The following PLA2G4C variants were observed in gnomAD, a reference collection of about 807,000 sequenced individuals.
The protein encoded by PLA2G4C is cytosolic phospholipase A2 gamma.
PLA2G4C carries 64 observed loss-of-function variants against 73.8 expected under a neutral mutation model. The observed-to-expected ratio is 0.87, with a 90% CI of 0.71 to 1.07. The LOEUF (loss-of-function observed/expected upper bound fraction) is 1.07. PLA2G4C is among the 50% of genes least tolerant of loss of function. The pLI, the probability that PLA2G4C is intolerant of heterozygous loss-of-function variation, is 0.00. For synonymous variants in PLA2G4C, 254 were observed against 252.1 expected (o/e 1.01, Z -0.07); for missense variants, 622 against 665.4 (o/e 0.93, Z 0.72).
In PLA2G4C at chr19:48,053,000, G is replaced by T. The variant is rs780130778; in HGVS notation, c.1577C>A (p.Ala526Asp). Residue 526 changes from alanine (A) to aspartate (D), a missense_variant, in exon 16 of 17, where the codon GCC (alanine) becomes GAC (aspartate). Coordinates refer to ENST00000599921, the MANE Select transcript of PLA2G4C (RefSeq NM_003706.3). ...KKILRELMNV[A>D]GLYYPKDSAR... ...GCGACTATGGTCTCCCACCTACCCG[G>T]CCACGTTCATCAACTCTCTAAGGAT... 1.9e-6 allele frequency: 3 copies of T among 1,606,816 alleles called. No homozygotes were observed. The highest frequency in any genetic ancestry group is 2.2e-5 in the East Asian group (1 of 44,658).
intron 2 of PLA2G4C, 98 bp downstream of exon 2, chr19:48,106,422 CGA>C: frequency 1.1e-6 from 1 of 936,136 alleles, no homozygotes; most frequent in Non-Finnish European, 1.7e-6. Context: ...CTCCACCAAG[CGA>C]GAGGAACTGT....
chr19:48,075,975 T>C (rs1014676019), intron 11 of PLA2G4C, among the ~76,000 whole-genome samples: 4 of 152,222 alleles, frequency 2.6e-5, no homozygotes, highest in African/African-American at 7.2e-5. Context: ...AAGCCCGCCA[T>C]GTGGCAAGAA....
intron 10 of PLA2G4C, among the ~76,000 whole-genome samples, chr19:48,079,766 T>A (rs1330745770): frequency 5.9e-5 from 9 of 152,086 alleles, no homozygotes; most frequent in Admixed American, 1.3e-4. Flanking sequence ...GGTCAGGAGT[T>A]CCAGACCAAC....
intron 3 of PLA2G4C, 22 bp downstream of exon 3, chr19:48,105,311 C>A: frequency 6.5e-7 from 1 of 1,543,032 alleles, no homozygotes; most frequent in Non-Finnish European, 8.9e-7. Flanking sequence ...ATCTCTGGGG[C>A]CACCCTCCTC....
At chr19:48,082,204 C>A (rs1045538604) in intron 10 of PLA2G4C, among the ~76,000 whole-genome samples, 2 of 150,288 alleles carry the variant, frequency 1.3e-5, no homozygotes, top group African/African-American at 4.9e-5. Context: ...ACTTGTACCC[C>A]AAAAGCTATT....
intron 7 of PLA2G4C, among the ~76,000 whole-genome samples, chr19:48,092,024 T>C (rs546996981): frequency 6.6e-6 from 1 of 151,590 alleles, no homozygotes; most frequent in East Asian, 1.9e-4. Flanking sequence ...TATAAAATGG[T>C]ACAGCCACTG....
chr19:48,068,289 G>A (rs1968521376), intron 12 of PLA2G4C, among the ~76,000 whole-genome samples: 1 of 137,738 alleles, frequency 7.3e-6, no homozygotes, highest in South Asian at 2.4e-4. Flanking sequence ...TGATGACGGA[G>A]CGAGACTCCA....
chr19:48,088,858 G>A lies in PLA2G4C; in HGVS notation c.764-146C>T, dbSNP rs927674353. On this transcript the variant is annotated intron_variant, in intron 8 of 16. Transcript: ENST00000599921. The stretch of plus-strand genomic sequence containing the variant: ...CAATGGCAGCCAATGGCTCTCGAGA[G>A]CCAATTTTGCACCTCTCTTCCAACT... 8 of 678,772 alleles carry A rather than the reference G, an allele frequency of 1.2e-5. No homozygotes were observed. In the African/African-American group the frequency reaches 1.3e-4, roughly 11 times the overall value. The allele number at this position is 678,772 out of a possible 1,614,324, so 42.0% of individuals were successfully genotyped here. A position where few individuals can be genotyped will look rare whatever the true frequency, so the allele number is the denominator to read the frequency against.
chr19:48,097,901 G>C, intron 6 of PLA2G4C: 1 of 400,736 alleles, frequency 2.5e-6, no homozygotes, highest in Non-Finnish European at 4.4e-6. Context: ...TTACAAGCGT[G>C]AGCCACCATG....
chr19:48,110,382 T>TA (rs2032434285), intron 1 of PLA2G4C, 105 bp downstream of exon 1: 2 of 696,768 alleles, frequency 2.9e-6, no homozygotes, highest in South Asian at 2.8e-5. Context: ...TAAAATAAAA[T>TA]AAAAAAGAAA....
chr19:48,058,742 C>T (rs987300488), intron 14 of PLA2G4C, among the ~76,000 whole-genome samples: 3 of 150,480 alleles, frequency 2.0e-5, no homozygotes, highest in Non-Finnish European at 4.4e-5. Context: ...CACTTGAACC[C>T]GGGAGGCGAA....
chr19:48,110,782 T>C lies in PLA2G4C; in HGVS notation c.-328A>G. On this transcript the variant is annotated 5_prime_UTR_variant, in exon 1 of 17. Coordinates refer to ENST00000599921, the MANE Select transcript of PLA2G4C (RefSeq NM_003706.3). ...CGCCTTTAAACAGCCCTCCTCGGCTTGTAGGCCCTGCTTGGTTGCTCCAGC... is the reference window on the plus strand; with the variant it reads ...CGCCTTTAAACAGCCCTCCTCGGCTCGTAGGCCCTGCTTGGTTGCTCCAGC... 2.6e-6 allele frequency: 1 copy of C among 390,940 alleles called. No individual in the cohort carries two copies. The highest frequency in any genetic ancestry group is 2.1e-5 in the African/African-American group (1 of 48,084). The allele number at this position is 390,940 out of a possible 1,614,324, so 24.2% of individuals were successfully genotyped here. A position where few individuals can be genotyped will look rare whatever the true frequency, so the allele number is the denominator to read the frequency against.
At chr19:48,076,958 A>C (rs1332736136) in intron 11 of PLA2G4C, among the ~76,000 whole-genome samples, 1 of 152,194 alleles carries the variant, frequency 6.6e-6, no homozygotes, top group East Asian at 1.9e-4. Flanking sequence ...AGTCTCCTCC[A>C]TAATATAATC....
chr19:48,050,644 C>A (rs1041076237), intron 16 of PLA2G4C, among the ~76,000 whole-genome samples: 3 of 146,686 alleles, frequency 2.0e-5, no homozygotes, highest in African/African-American at 7.4e-5. Context: ...ATGTCCCTAT[C>A]CTAATCCCTA....
At chr19:48,089,609 C>T (rs2031180226) in intron 8 of PLA2G4C, among the ~76,000 whole-genome samples, 2 of 152,134 alleles carry the variant, frequency 1.3e-5, no homozygotes, top group South Asian at 2.1e-4. Context: ...ATTTTACATA[C>T]ATGAGGTCAT....
Position 48,088,680 on chromosome 19 carries a change from G to T in PLA2G4C, c.790+6C>A. On this transcript the variant is annotated splice_donor_region_variant and intron_variant, in intron 9 of 16. Coordinates refer to ENST00000599921, the MANE Select transcript of PLA2G4C (RefSeq NM_003706.3). ...TCAGGGATTCATGATGAAGTAGGATGCTTACCTTTCAGGGTCAGATTCCTT... is the reference window on the plus strand; with the variant it reads ...TCAGGGATTCATGATGAAGTAGGATTCTTACCTTTCAGGGTCAGATTCCTT... 6.2e-7 allele frequency: 1 copy of T among 1,603,382 alleles called. No homozygotes were observed. The highest frequency in any genetic ancestry group is 8.5e-7 in the Non-Finnish European group (1 of 1,170,158).
At position 48,110,762 on chromosome 19, in the gene PLA2G4C, T is replaced by C; in HGVS notation, c.-308A>G. 2.4e-6 allele frequency: 1 copy of C among 420,934 alleles called. No homozygotes were observed. Among genetic ancestry groups the C allele is most frequent in the Non-Finnish European group, 4.2e-6 (1 of 237,684 alleles). The allele number at this position is 420,934 out of a possible 1,614,324, so 26.1% of individuals were successfully genotyped here. On this transcript the variant is annotated 5_prime_UTR_variant, in exon 1 of 17. Coordinates refer to ENST00000599921, the MANE Select transcript of PLA2G4C (RefSeq NM_003706.3). ...TGGAGGTAAAATGGCCCCTGCGCCTTTAAACAGCCCTCCTCGGCTTGTAGG... is the reference window on the plus strand; with the variant it reads ...TGGAGGTAAAATGGCCCCTGCGCCTCTAAACAGCCCTCCTCGGCTTGTAGG...
chr19:48,065,148 C>A (rs911510667), intron 13 of PLA2G4C, among the ~76,000 whole-genome samples: 1 of 151,814 alleles, frequency 6.6e-6, no homozygotes, highest in African/African-American at 2.4e-5. Flanking sequence ...TGGGGCACAG[C>A]CTAGGTTTAT....
chr19:48,100,728 T>G (rs1209405011), intron 4 of PLA2G4C, among the ~76,000 whole-genome samples: 3 of 147,168 alleles, frequency 2.0e-5, no homozygotes, highest in Non-Finnish European at 1.5e-5. Flanking sequence ...GCTAACATGG[T>G]GAAACCCCGT....
Sources: gnomAD v4.1 joint callset for allele counts (sites outside exome capture counted in the v4.1 genomes callset) on GRCh38, gnomAD v4.1.1 for gene constraint, MANE v1.5 for transcripts, NCBI Gene and HGNC (gene_info 2026-07-23, HGNC 2026-07-21) for gene names.